The following WNT7B variants were observed in gnomAD, a reference collection of about 807,000 sequenced individuals.
WNT7B encodes the protein protein Wnt-7b.
In WNT7B, 19 loss-of-function variants were observed where a neutral mutation model predicts 38.2. That is an observed-to-expected ratio of 0.50 (90% CI 0.35 to 0.73). WNT7B has a LOEUF of 0.73. Among genes scored for constraint, WNT7B ranks in the 30% least tolerant of loss-of-function variants. The pLI is 0.01. For synonymous variants in WNT7B, 243 were observed against 209.3 expected, an observed-to-expected ratio of 1.16 and a Z score of -1.39; for missense variants, 423 against 507.9, an observed-to-expected ratio of 0.83 and a Z score of 1.61.
chr22:45,957,292 T>A (rs1366202953), intron 1 of WNT7B, among the ~76,000 whole-genome samples: 1 of 151,974 alleles, frequency 6.6e-6, no homozygotes, highest in Non-Finnish European at 1.5e-5. Context: ...ATAAGTTATA[T>A]CTCAGCATAA....
intron 1 of WNT7B, among the ~76,000 whole-genome samples, chr22:45,962,303 A>G (rs1425644985): frequency 6.6e-6 from 1 of 152,192 alleles, no homozygotes; most frequent in African/African-American, 2.4e-5. Flanking sequence ...TATCTGCTAA[A>G]TCTGTGAAAT....
chr22:45,970,209 G>A (rs1190084546), intron 1 of WNT7B, among the ~76,000 whole-genome samples: 1 of 152,220 alleles, frequency 6.6e-6, no homozygotes, highest in Non-Finnish European at 1.5e-5. Context: ...AGGAGCTACT[G>A]AGGGCAAGTC....
At chr22:45,927,050 G>A (rs1601714439) in intron 3 of WNT7B, 4 of 985,330 alleles carry the variant, frequency 4.1e-6, no homozygotes, top group South Asian at 9.4e-5. Context: ...CAAGAGAGGT[G>A]CCCTCAGCTG....
chr22:45,931,988 G>A (rs56662525), intron 2 of WNT7B, among the ~76,000 whole-genome samples: 13,518 of 152,120 alleles, frequency 0.089, 1,008 homozygotes, highest in African/African-American at 0.18. Context: ...CCTTCAGTCC[G>A]TCTCCAGATC....
intron 1 of WNT7B, among the ~76,000 whole-genome samples, chr22:45,964,411 T>C (rs1292397463): frequency 6.6e-6 from 1 of 152,026 alleles, no homozygotes. Flanking sequence ...GTGTGGCCCC[T>C]GCAGGCCAGC....
intron 3 of WNT7B, chr22:45,927,648 C>G: frequency 1.3e-6 from 1 of 767,974 alleles, no homozygotes. Context: ...GTAATCCAAG[C>G]ACTTTGGGAG....
rs377061161 is a variant in WNT7B, at chr22:45,931,081, C to T, written c.570+17G>A. On this transcript the variant is annotated intron_variant, in intron 3 of 3. Transcript: ENST00000339464. ...CGGTCCCAGCTACGGCCCCCACCAG[C>T]CGCACCCGCACCCTACCTTCCTGCC... 46 of 1,551,066 alleles carry T rather than the reference C, an allele frequency of 3.0e-5. No individual in the cohort carries two copies. In the African/African-American group the frequency reaches 5.2e-4, roughly 17 times the overall value.
chr22:45,951,721 T>C lies in WNT7B; in HGVS notation c.72-1575A>G, dbSNP rs936204245. Among the ~76,000 whole-genome samples the C allele has an allele frequency of 6.6e-6, 1 of 152,172 alleles. No homozygotes were observed. Among genetic ancestry groups the C allele is most frequent in the African/African-American group, 2.4e-5 (1 of 41,428 alleles). ...CACGTGGTCACAGGTCAGTGCTTCA[T>C]GCGTTTGTAAGGCTGAGTGATATTC... On this transcript the variant is annotated intron_variant, in intron 1 of 3. Transcript: ENST00000339464. This position sits in a 1 kb window ranked among gnomAD's most constrained non-coding sequence, Gnocchi z 4.8.
At chr22:45,943,534 G>A (rs1433376212) in intron 2 of WNT7B, among the ~76,000 whole-genome samples, 1 of 152,176 alleles carries the variant, frequency 6.6e-6, no homozygotes, top group Non-Finnish European at 1.5e-5. Flanking sequence ...CTGCCCTCGG[G>A]AGTGCTCTGG....
At chr22:45,959,565 C>CA (rs1932148847) in intron 1 of WNT7B, among the ~76,000 whole-genome samples, 2 of 152,162 alleles carry the variant, frequency 1.3e-5, no homozygotes, top group Admixed American at 6.5e-5. Context: ...AGCCAGGCAC[C>CA]TCCACCTCAG....
chr22:45,956,310 C>T (rs148718271), intron 1 of WNT7B, among the ~76,000 whole-genome samples: 1,663 of 152,326 alleles, frequency 0.011, 9 homozygotes, highest in Middle Eastern at 0.017. Context: ...CAGCACGGGC[C>T]GCTGGCCTGC....
intron 1 of WNT7B, among the ~76,000 whole-genome samples, chr22:45,955,397 CGTGCGGGTAGT>C (rs1932034845): frequency 6.6e-6 from 1 of 152,200 alleles, no homozygotes; most frequent in African/African-American, 2.4e-5. Context: ...GCCAGAGAGC[CGTGCGGGTAGT>C]GTGCTGGGGC....
chr22:45,933,046 G>A lies in WNT7B; in HGVS notation c.299-1677C>T, dbSNP rs149186060. ...ATGCTCTGGGGCCACTTCCTTGCCC[G>A]CAGCCTGCTGGGGGCTCAGCCAGGT... On this transcript the variant is annotated intron_variant, in intron 2 of 3. Coordinates refer to ENST00000339464, the MANE Select transcript of WNT7B (RefSeq NM_058238.3). 2.0e-3 allele frequency among the ~76,000 whole-genome samples: 310 copies of A among 152,328 alleles called. 3 individuals carry two copies. Among genetic ancestry groups the A allele is most frequent in the African/African-American group, 7.0e-3 (293 of 41,572 alleles).
rs561213670 is a variant in WNT7B, at chr22:45,969,314, T to TG, written c.71+7369dup. Among the ~76,000 whole-genome samples, 19 of 152,254 alleles carry TG rather than the reference T, an allele frequency of 1.2e-4. No individual in the cohort carries two copies. In the South Asian group the frequency reaches 3.5e-3, roughly 28 times the overall value. ...CATGACAGGCTCCTACCGGAAGACC[T>TG]GGGGGGGTCGTCAGAGCCAACCCCC... On this transcript the variant is annotated intron_variant, in intron 1 of 3. Coordinates refer to ENST00000339464, the MANE Select transcript of WNT7B (RefSeq NM_058238.3).
At chr22:45,973,957 T>C (rs1932503318) in intron 1 of WNT7B, among the ~76,000 whole-genome samples, 1 of 152,126 alleles carries the variant, frequency 6.6e-6, no homozygotes, top group South Asian at 2.1e-4. Flanking sequence ...CATCCATGCA[T>C]ACAACCTCTG....
At chr22:45,945,073 A>T (rs1379094372) in intron 2 of WNT7B, among the ~76,000 whole-genome samples, 6 of 151,848 alleles carry the variant, frequency 4.0e-5, no homozygotes, top group African/African-American at 1.5e-4. Flanking sequence ...AGTGAAAATA[A>T]TTTTGGTGAA....
At chr22:45,927,057 G>A (rs1697429291) in intron 3 of WNT7B, 1 of 985,432 alleles carries the variant, frequency 1.0e-6, no homozygotes, top group Non-Finnish European at 1.2e-6. Context: ...GGTGCCCTCA[G>A]CTGTCCGGAC....
intron 2 of WNT7B, among the ~76,000 whole-genome samples, chr22:45,946,576 C>G (rs558688451): frequency 6.6e-6 from 1 of 152,190 alleles, no homozygotes; most frequent in Non-Finnish European, 1.5e-5. Context: ...AAGCCTCTCT[C>G]GACACATGAG....
intron 3 of WNT7B, among the ~76,000 whole-genome samples, chr22:45,930,433 T>C (rs1347752016): frequency 6.6e-6 from 1 of 152,230 alleles, no homozygotes; most frequent in East Asian, 1.9e-4. Flanking sequence ...CTGGCCACCC[T>C]ATCTCAGGCC....
Sources: allele counts gnomAD v4.1 joint callset (sites outside exome capture counted in the v4.1 genomes callset), GRCh38; gene constraint gnomAD v4.1.1; non-coding constraint Gnocchi (gnomAD v3.1); transcripts MANE v1.5; gene names NCBI Gene and HGNC (gene_info 2026-07-23, HGNC 2026-07-21).